RABGAP1L: variants seen among roughly 807,000 people sequenced by gnomAD.
RABGAP1L encodes RAB GTPase activating protein 1 like, also known as rab GTPase-activating protein 1-like.
A neutral mutation model predicts 137.7 loss-of-function variants in RABGAP1L; 63 were observed. The ratio of observed to expected loss-of-function variants is 0.46; its 90% CI spans 0.37 to 0.56. The LOEUF (loss-of-function observed/expected upper bound fraction) is 0.56. Among genes scored for constraint, RABGAP1L ranks in the 20% least tolerant of loss-of-function variants. The probability of loss-of-function intolerance (pLI) is 0.00; values close to 1 mark genes in which losing one functional copy is unlikely to be tolerated. For synonymous variants in RABGAP1L, 431 were observed against 433.7 expected, an observed-to-expected ratio of 0.99 and a Z score of 0.08; for missense variants, 1,095 against 1,244.0, an observed-to-expected ratio of 0.88 and a Z score of 1.80.
intron 13 of RABGAP1L, among the ~76,000 whole-genome samples, chr1:174,407,424 C>T (rs1649403808): frequency 6.6e-6 from 1 of 151,904 alleles, no homozygotes; most frequent in Non-Finnish European, 1.5e-5. Context: ...GCTTCCATCT[C>T]AAGGCAGTTG....
intron 19 of RABGAP1L, among the ~76,000 whole-genome samples, chr1:174,872,062 C>T (rs1397881815): frequency 6.6e-6 from 1 of 152,142 alleles, no homozygotes; most frequent in East Asian, 1.9e-4. Context: ...TGGTGAGTTG[C>T]AAATGAGGCA....
chr1:174,413,837 G>C (rs1020037989), intron 13 of RABGAP1L, among the ~76,000 whole-genome samples: 4 of 152,040 alleles, frequency 2.6e-5, no homozygotes, highest in African/African-American at 9.7e-5. Flanking sequence ...GTATATACTT[G>C]ATTCTTGTTT....
chr1:174,662,789 A>T (rs1340607439), intron 14 of RABGAP1L, among the ~76,000 whole-genome samples: 2 of 152,202 alleles, frequency 1.3e-5, no homozygotes, highest in African/African-American at 4.8e-5. Flanking sequence ...GAAGATGGTG[A>T]TATTGATGAT....
At chr1:174,329,886 CATA>C (rs988842922) in intron 11 of RABGAP1L, among the ~76,000 whole-genome samples, 10 of 149,524 alleles carry the variant, frequency 6.7e-5, no homozygotes, top group South Asian at 2.1e-4. Flanking sequence ...AGGAAAATTT[CATA>C]ATAATAATTT....
At chr1:174,681,541 T>A (rs1417018376) in intron 14 of RABGAP1L, among the ~76,000 whole-genome samples, 1 of 152,208 alleles carries the variant, frequency 6.6e-6, no homozygotes, top group Non-Finnish European at 1.5e-5. Flanking sequence ...AAAATTCAGA[T>A]CTGTGGTTGC....
intron 13 of RABGAP1L, among the ~76,000 whole-genome samples, chr1:174,630,773 T>C (rs1673308021): frequency 1.4e-5 from 2 of 146,530 alleles, no homozygotes; most frequent in African/African-American, 5.1e-5. Context: ...TCTATTTGAT[T>C]CTTCTCTCTT....
chr1:174,814,427 A>G (rs1300764029), intron 19 of RABGAP1L, among the ~76,000 whole-genome samples: 1 of 152,084 alleles, frequency 6.6e-6, no homozygotes, highest in East Asian at 1.9e-4. Flanking sequence ...TATAACATAT[A>G]ATTGTAGAGT....
At chr1:174,834,154 C>T (rs747062398) in intron 19 of RABGAP1L, among the ~76,000 whole-genome samples, 7 of 152,092 alleles carry the variant, frequency 4.6e-5, no homozygotes, top group African/African-American at 1.2e-4. Context: ...AGGCCAGGCA[C>T]GGTGGCTCAC....
chr1:174,347,951 A>C (rs1682604147), intron 11 of RABGAP1L, among the ~76,000 whole-genome samples: 1 of 151,992 alleles, frequency 6.6e-6, no homozygotes, highest in African/African-American at 2.4e-5. Flanking sequence ...TTATTTTTTA[A>C]ATCCATTTAG....
chr1:174,733,410 A>G (rs767559372), intron 17 of RABGAP1L, among the ~76,000 whole-genome samples: 1 of 152,132 alleles, frequency 6.6e-6, no homozygotes, highest in African/African-American at 2.4e-5. Context: ...TACAGATGCT[A>G]TGCTTTTGGT....
intron 13 of RABGAP1L, among the ~76,000 whole-genome samples, chr1:174,417,411 T>C (rs558754408): frequency 1.3e-5 from 2 of 152,306 alleles, no homozygotes; most frequent in East Asian, 3.9e-4. Flanking sequence ...GGGAAAACAA[T>C]CTTGCGAATG....
At chr1:174,406,725 G>A (rs950716429) in intron 13 of RABGAP1L, among the ~76,000 whole-genome samples, 1 of 152,128 alleles carries the variant, frequency 6.6e-6, no homozygotes, top group African/African-American at 2.4e-5. Flanking sequence ...TCGAGTCCAG[G>A]AGTTAAAGAC....
chr1:174,857,381 AT>A (rs1649492121), intron 19 of RABGAP1L, among the ~76,000 whole-genome samples: 1 of 152,006 alleles, frequency 6.6e-6, no homozygotes, highest in African/African-American at 2.4e-5. Flanking sequence ...TATTTTCCTA[AT>A]TTTTAAAAAT....
chr1:174,444,419 A>G (rs1036737887), intron 13 of RABGAP1L, among the ~76,000 whole-genome samples: 1 of 151,858 alleles, frequency 6.6e-6, no homozygotes, highest in Non-Finnish European at 1.5e-5. Context: ...GTATGTGTCC[A>G]TGTCTGCTTT....
intron 13 of RABGAP1L, among the ~76,000 whole-genome samples, chr1:174,541,930 C>A (rs1048456807): frequency 4.6e-5 from 7 of 152,126 alleles, no homozygotes; most frequent in African/African-American, 1.7e-4. Context: ...GCCTTGCATC[C>A]CAGGGATAAA....
intron 25 of RABGAP1L, among the ~76,000 whole-genome samples, chr1:174,989,301 C>A (rs16847670): frequency 0.15 from 23,451 of 152,124 alleles, 5,978 homozygotes; most frequent in African/African-American, 0.53. Flanking sequence ...TCCATATTGG[C>A]GCATAATATA....
intron 14 of RABGAP1L, among the ~76,000 whole-genome samples, chr1:174,638,384 T>C (rs1674235276): frequency 6.6e-6 from 1 of 152,170 alleles, no homozygotes; most frequent in Non-Finnish European, 1.5e-5. Context: ...AGCACTCACT[T>C]CTCCAGCATT....
At chr1:174,608,418 G>A (rs1159381793) in intron 13 of RABGAP1L, among the ~76,000 whole-genome samples, 2 of 152,130 alleles carry the variant, frequency 1.3e-5, no homozygotes, top group Non-Finnish European at 2.9e-5. Flanking sequence ...AAGGCAATAT[G>A]TAAAAAAGTA....
intron 14 of RABGAP1L, among the ~76,000 whole-genome samples, chr1:174,675,085 T>C (rs1677509313): frequency 6.6e-6 from 1 of 152,002 alleles, no homozygotes; most frequent in Admixed American, 6.6e-5. Flanking sequence ...AGAAGCTCTT[T>C]AGTTTAATTA....
Sources: gnomAD v4.1 joint callset for allele counts (sites outside exome capture counted in the v4.1 genomes callset) on GRCh38, gnomAD v4.1.1 for gene constraint, MANE v1.5 for transcripts, NCBI Gene and HGNC (gene_info 2026-07-23, HGNC 2026-07-21) for gene names.